Variants in FAIM observed in about 807,000 individuals in gnomAD.
FAIM encodes fas apoptotic inhibitory molecule 1.
A neutral mutation model predicts 21.2 loss-of-function variants in FAIM; 14 were observed. That is an observed-to-expected ratio of 0.66 (90% CI 0.44 to 1.03). FAIM has a LOEUF of 1.03. FAIM is among the 50% of genes least tolerant of loss of function. FAIM has a pLI of 0.00. For missense variants in FAIM, 222 were observed against 247.1 expected (o/e 0.90, Z 0.68); for synonymous variants, 86 against 80.4 (o/e 1.07, Z -0.37).
chr3:138,632,099 G>A (rs2043011876), intron 5 of FAIM, among the ~76,000 whole-genome samples: 2 of 150,550 alleles, frequency 1.3e-5, no homozygotes, highest in Admixed American at 6.7e-5. Flanking sequence ...GCGCTACCTG[G>A]CGCTAATCTT....
rs145389845 is a variant in FAIM, at chr3:138,622,411, T to G, written c.401T>G (p.Val134Gly). The G allele has an allele frequency of 1.6e-5, 25 of 1,593,288 alleles. No individual in the cohort carries two copies. The African/African-American group carries it at 3.3e-4, about 21-fold the overall frequency. The stretch of plus-strand genomic sequence containing the variant: ...ATGGATGGTGAGAACTTTAGAATTG[T>G]TTTGGGTAAGTTAGTGCTGTTTCCG... ...LHMDGENFRIVLEKDAMDVWC... is the reference protein window; with the variant it reads ...LHMDGENFRIGLEKDAMDVWC... Residue 134 changes from valine (V) to glycine (G), a missense_variant, in exon 4 of 6, where the codon GTT becomes GGT. Coordinates refer to ENST00000360570, the MANE Select transcript of FAIM (RefSeq NM_001033031.2).
intron 3 of FAIM, among the ~76,000 whole-genome samples, chr3:138,621,884 G>A (rs2042889823): frequency 6.6e-6 from 1 of 152,014 alleles, no homozygotes. Context: ...CTGTGTTTAA[G>A]CTATTCTCCT....
chr3:138,621,917 G>A (rs1445067913), intron 3 of FAIM, among the ~76,000 whole-genome samples: 1 of 152,018 alleles, frequency 6.6e-6, no homozygotes, highest in African/African-American at 2.4e-5. Context: ...CAAGTAGCTG[G>A]GATTACAGGC....
chr3:138,623,037 C>CA (rs371960079), intron 4 of FAIM, among the ~76,000 whole-genome samples: 9,229 of 100,846 alleles, frequency 0.092, 340 homozygotes, highest in Non-Finnish European at 0.11. Context: ...GACTCCATCT[C>CA]AAAAAAAAAA....
In FAIM at chr3:138,632,969, A is replaced by G. The variant is rs1287268526; in HGVS notation, c.496A>G (p.Ile166Val). The G allele has an allele frequency of 3.7e-6, 6 of 1,613,854 alleles. No individual in the cohort carries two copies. In the East Asian group the frequency reaches 8.9e-5, roughly 24 times the overall value. Residue 166 changes from isoleucine (I) to valine (V), a missense_variant, in exon 6 of 6, where the codon ATC (isoleucine) becomes GTC (valine). Ile to Val is a conservative substitution (Grantham distance 29). Transcript: ENST00000360570. ...VDDGTETHFS[I>V]GNHDCYIKAV... ...TGATGGGACTGAAACTCACTTCAGTATCGGGAACCATGACTGTTACATAAA... is the reference window on the plus strand; with the variant it reads ...TGATGGGACTGAAACTCACTTCAGTGTCGGGAACCATGACTGTTACATAAA...
intron 1 of FAIM, chr3:138,610,973 A>T (rs2108331016): frequency 8.1e-6 from 13 of 1,613,658 alleles, no homozygotes; most frequent in Non-Finnish European, 1.1e-5. Flanking sequence ...GCTTCCCTTT[A>T]TAAGGACACT....
chr3:138,625,355 C>A (rs940402608), intron 4 of FAIM, among the ~76,000 whole-genome samples: 3 of 150,672 alleles, frequency 2.0e-5, no homozygotes, highest in Non-Finnish European at 4.4e-5. Context: ...CCCAGCTACT[C>A]GGGAGGCTGA....
At chr3:138,621,374 G>T in intron 2 of FAIM, 33 bp from the exon 3 acceptor site, 2 of 1,600,556 alleles carry the variant, frequency 1.2e-6, no homozygotes, top group Non-Finnish European at 1.7e-6. Context: ...TAGTATTTTG[G>T]CCTACTATAA....
chr3:138,610,417 G>GT (rs2042754660), intron 1 of FAIM, among the ~76,000 whole-genome samples: 1 of 152,154 alleles, frequency 6.6e-6, no homozygotes, highest in African/African-American at 2.4e-5. Context: ...GTGAAAGTAA[G>GT]TGGAATATGG....
At chr3:138,613,059 G>C (rs1442708474) in intron 1 of FAIM, among the ~76,000 whole-genome samples, 9 of 150,272 alleles carry the variant, frequency 6.0e-5, no homozygotes, top group African/African-American at 2.2e-4. Flanking sequence ...TTGTTGCCCA[G>C]GCTGGAGTGC....
chr3:138,620,153 T>G (rs756386805), intron 2 of FAIM, among the ~76,000 whole-genome samples: 15 of 152,318 alleles, frequency 9.8e-5, no homozygotes, highest in Non-Finnish European at 1.5e-4. Flanking sequence ...TAGGTTTAAA[T>G]CCTACCTCTG....
At position 138,621,805 on chromosome 3, in the gene FAIM, C is replaced by T. The variant is rs72630193; in HGVS notation, c.177+266C>T. Among the ~76,000 whole-genome samples the T allele has an allele frequency of 7.4e-3, 1,118 of 151,036 alleles. 37 individuals are homozygous for T. In the East Asian group the frequency reaches 0.086, roughly 12 times the overall value. On this transcript the variant is annotated intron_variant, in intron 3 of 5. Coordinates refer to ENST00000360570, the MANE Select transcript of FAIM (RefSeq NM_001033031.2). ...TCTTTTTTTTTTCTTTTTTTTGAGA[C>T]GGAGTCTCGCTGTGTCACCCAGGCT...
Position 138,619,699 on chromosome 3 carries a change from A to G in FAIM, c.-16-12A>G, listed in dbSNP as rs762554134. 5.0e-6 allele frequency: 8 copies of G among 1,610,640 alleles called. No individual in the cohort carries two copies. Among genetic ancestry groups the G allele is most frequent in the African/African-American group, 1.3e-5 (1 of 74,874 alleles). ...CTGCTTTTTTCTTTCCTGGCTGCTAATTGGATTAAAGACTGTTTTTGCCAA... is the reference window on the plus strand; with the variant it reads ...CTGCTTTTTTCTTTCCTGGCTGCTAGTTGGATTAAAGACTGTTTTTGCCAA... On this transcript the variant is annotated splice_polypyrimidine_tract_variant and intron_variant, in intron 1 of 5. Coordinates refer to ENST00000360570, the MANE Select transcript of FAIM (RefSeq NM_001033031.2).
chr3:138,620,308 T>A (rs2042870364), intron 2 of FAIM, among the ~76,000 whole-genome samples: 1 of 152,184 alleles, frequency 6.6e-6, no homozygotes, highest in African/African-American at 2.4e-5. Flanking sequence ...GATACATAGT[T>A]ATCACTTAAT....
chr3:138,621,351 T>C, intron 2 of FAIM, 56 bp from the exon 3 acceptor site: 1 of 1,516,636 alleles, frequency 6.6e-7, no homozygotes, highest in Non-Finnish European at 9.1e-7. Flanking sequence ...GAAGGATTAA[T>C]TGGTTATTTA....
intron 1 of FAIM, among the ~76,000 whole-genome samples, chr3:138,614,132 C>A (rs1220239482): frequency 2.0e-5 from 3 of 152,194 alleles, no homozygotes; most frequent in Non-Finnish European, 4.4e-5. Context: ...CTCTCAAATT[C>A]TTTAAGGACA....
intron 5 of FAIM, among the ~76,000 whole-genome samples, chr3:138,632,021 G>T (rs1474051766): frequency 6.6e-6 from 1 of 151,852 alleles, no homozygotes; most frequent in African/African-American, 2.4e-5. Context: ...CTGATTTTTG[G>T]TTTCTTTGCT....
At chr3:138,612,790 C>T (rs539188506) in intron 1 of FAIM, among the ~76,000 whole-genome samples, 89 of 152,290 alleles carry the variant, frequency 5.8e-4, no homozygotes, top group Middle Eastern at 3.4e-3. Flanking sequence ...ATTTTACAGT[C>T]CCACTAGCAA....
chr3:138,621,002 T>C (rs2108345674), intron 2 of FAIM, among the ~76,000 whole-genome samples: 1 of 152,292 alleles, frequency 6.6e-6, no homozygotes, highest in Non-Finnish European at 1.5e-5. Flanking sequence ...TTAGAGTGAT[T>C]AGACCTGAAA....
Sources: gnomAD v4.1 joint callset for allele counts (sites outside exome capture counted in the v4.1 genomes callset) on GRCh38, gnomAD v4.1.1 for gene constraint, MANE v1.5 for transcripts, NCBI Gene and HGNC (gene_info 2026-07-23, HGNC 2026-07-21) for gene names.